The following STX8 variants were observed in gnomAD, a reference collection of about 807,000 sequenced individuals.
The protein encoded by STX8 is syntaxin 8, also known as syntaxin-8.
A neutral mutation model predicts 37.5 loss-of-function variants in STX8; 23 were observed. The ratio of observed to expected loss-of-function variants is 0.61; its 90% CI spans 0.44 to 0.87. The LOEUF (loss-of-function observed/expected upper bound fraction) is 0.87, where lower values mean the gene tolerates loss of function less well. STX8 is among the 40% of genes least tolerant of loss of function. STX8 has a pLI of 0.00. For missense variants in STX8, 313 were observed against 284.7 expected (o/e 1.10, Z -0.71); for synonymous variants, 115 against 99.1 (o/e 1.16, Z -0.95).
chr17:9,435,659 GC>G (rs1180706183), intron 6 of STX8, among the ~76,000 whole-genome samples: 1 of 152,150 alleles, frequency 6.6e-6, no homozygotes, highest in Non-Finnish European at 1.5e-5. Context: ...AAGAAAACGA[GC>G]GTTCGATTAA....
At chr17:9,253,745 G>C (rs8071027) in intron 7 of STX8, among the ~76,000 whole-genome samples, 36,559 of 152,070 alleles carry the variant, frequency 0.24, 5,309 homozygotes, top group Non-Finnish European at 0.34. Flanking sequence ...ATCAAGGCAG[G>C]CTCCACACTG....
At chr17:9,287,382 G>A (rs972294721) in intron 7 of STX8, among the ~76,000 whole-genome samples, 29 of 152,196 alleles carry the variant, frequency 1.9e-4, no homozygotes, top group African/African-American at 6.8e-4. Flanking sequence ...TCTCAGGAGA[G>A]ATGTTCACAG....
chr17:9,359,798 G>A (rs1051106274), intron 7 of STX8, among the ~76,000 whole-genome samples: 6 of 151,990 alleles, frequency 3.9e-5, no homozygotes, highest in Admixed American at 6.6e-5. Flanking sequence ...GTGAGCCACC[G>A]TGCCTGGACT....
intron 7 of STX8, among the ~76,000 whole-genome samples, chr17:9,278,453 A>C (rs1907761179): frequency 6.8e-6 from 1 of 147,634 alleles, no homozygotes; most frequent in Non-Finnish European, 1.5e-5. Flanking sequence ...CCATCTCAGA[A>C]AAAAAAAAAA....
At chr17:9,498,764 G>C (rs1904506755) in intron 5 of STX8, among the ~76,000 whole-genome samples, 1 of 152,138 alleles carries the variant, frequency 6.6e-6, no homozygotes, top group Admixed American at 6.5e-5. Context: ...AAATTCATAA[G>C]ACTAGATGAA....
At chr17:9,435,450 C>T (rs151160139) in intron 6 of STX8, among the ~76,000 whole-genome samples, 4 of 152,300 alleles carry the variant, frequency 2.6e-5, no homozygotes, top group African/African-American at 9.6e-5. Context: ...GATGTTCACC[C>T]ATATACGTCA....
intron 6 of STX8, among the ~76,000 whole-genome samples, chr17:9,437,401 G>A (rs937294286): frequency 2.0e-5 from 3 of 152,182 alleles, no homozygotes; most frequent in African/African-American, 7.2e-5. Context: ...CATTCATAAG[G>A]CTGATACAAC....
chr17:9,510,603 A>G (rs993694878), intron 4 of STX8, among the ~76,000 whole-genome samples: 3 of 152,146 alleles, frequency 2.0e-5, no homozygotes, highest in Non-Finnish European at 2.9e-5. Flanking sequence ...ACCGAAACCT[A>G]TGGGACACAG....
chr17:9,309,604 C>T (rs1214323735), intron 7 of STX8, among the ~76,000 whole-genome samples: 3 of 152,072 alleles, frequency 2.0e-5, no homozygotes, highest in Admixed American at 6.6e-5. Context: ...GGGTAATGTA[C>T]AATGAAGAAC....
intron 7 of STX8, among the ~76,000 whole-genome samples, chr17:9,296,507 A>G (rs1159400514): frequency 6.6e-6 from 1 of 152,006 alleles, no homozygotes; most frequent in Non-Finnish European, 1.5e-5. Flanking sequence ...TCTCAAAAAA[A>G]AAAAAAAATG....
At position 9,557,422 on chromosome 17, in the gene STX8, T is replaced by G. The variant is rs1218318168; in HGVS notation, c.212+12A>C. The stretch of plus-strand genomic sequence containing the variant: ...CACTCTAGAAAAGAGGTGGAAATGT[T>G]TACATGGATACATCTGATGTGTTGA... On this transcript the variant is annotated intron_variant, in intron 3 of 7. Coordinates refer to ENST00000306357, the MANE Select transcript of STX8 (RefSeq NM_004853.3). 6.2e-7 allele frequency: 1 copy of G among 1,607,684 alleles called. No individual in the cohort carries two copies. The highest frequency in any genetic ancestry group is 8.5e-7 in the Non-Finnish European group (1 of 1,174,428).
intron 7 of STX8, among the ~76,000 whole-genome samples, chr17:9,374,980 C>G (rs1044919773): frequency 6.8e-6 from 1 of 146,810 alleles, no homozygotes; most frequent in Non-Finnish European, 1.5e-5. Context: ...GGAGAAATCA[C>G]TTGAACCTGG....
intron 7 of STX8, 124 bp from the exon 8 acceptor site, chr17:9,250,769 T>C (rs1201686449): frequency 3.0e-6 from 3 of 997,394 alleles, no homozygotes; most frequent in Non-Finnish European, 4.5e-6. Context: ...TTGTACGAAG[T>C]GGAGAGAGGT....
intron 6 of STX8, among the ~76,000 whole-genome samples, chr17:9,401,480 T>C (rs1303830185): frequency 6.6e-6 from 1 of 152,222 alleles, no homozygotes; most frequent in African/African-American, 2.4e-5. Flanking sequence ...TAGAATATTT[T>C]ATAGATGTCA....
At chr17:9,504,789 A>G (rs756158465) in intron 5 of STX8, among the ~76,000 whole-genome samples, 1 of 151,888 alleles carries the variant, frequency 6.6e-6, no homozygotes, top group Non-Finnish European at 1.5e-5. Flanking sequence ...CCTGGCTAAC[A>G]GGGTGAAACC....
intron 7 of STX8, among the ~76,000 whole-genome samples, chr17:9,267,306 A>G (rs1018656493): frequency 6.6e-6 from 1 of 152,216 alleles, no homozygotes; most frequent in Non-Finnish European, 1.5e-5. Flanking sequence ...AGTGCCAAGC[A>G]TACTACCCGG....
chr17:9,569,268 A>T (rs1654662515), intron 1 of STX8, among the ~76,000 whole-genome samples: 1 of 152,342 alleles, frequency 6.6e-6, no homozygotes, highest in East Asian at 1.9e-4. Context: ...AGAAAGTCAT[A>T]AAACAATTAA....
intron 6 of STX8, among the ~76,000 whole-genome samples, chr17:9,385,672 G>A (rs1911974328): frequency 6.6e-6 from 1 of 152,164 alleles, no homozygotes; most frequent in African/African-American, 2.4e-5. Context: ...ATTGTTGGGG[G>A]AAAATATGGC....
At chr17:9,288,145 A>AACAAACAAAC (rs1567769204) in intron 7 of STX8, among the ~76,000 whole-genome samples, 1 of 71,750 alleles carries the variant, frequency 1.4e-5, no homozygotes, top group East Asian at 4.2e-4. Flanking sequence ...ACAAACAAAA[A>AACAAACAAAC]AAAAAAAAAC....
Sources: allele counts gnomAD v4.1 joint callset (sites outside exome capture counted in the v4.1 genomes callset), GRCh38; gene constraint gnomAD v4.1.1; transcripts MANE v1.5; gene names NCBI Gene and HGNC (gene_info 2026-07-23, HGNC 2026-07-21).